The following RNF213 variants were observed in gnomAD, a reference collection of about 807,000 sequenced individuals.
RNF213 encodes the protein ring finger protein 213.
RNF213 carries 341 observed loss-of-function variants against 514.4 expected under a neutral mutation model. The observed-to-expected ratio is 0.66, with a 90% CI of 0.61 to 0.73. The LOEUF is 0.73. Among genes scored for constraint, RNF213 ranks in the 30% least tolerant of loss-of-function variants. The pLI is 0.00. For missense variants in RNF213, 5,767 were observed against 6,615.6 expected (o/e 0.87, Z 4.45); for synonymous variants, 2,655 against 2,658.2 (o/e 1.00, Z 0.04).
At chr17:80,282,777 A>T (rs1284212493) in intron 3 of RNF213, among the ~76,000 whole-genome samples, 1 of 151,814 alleles carries the variant, frequency 6.6e-6, no homozygotes, top group Non-Finnish European at 1.5e-5. Flanking sequence ...GCTCACTGCA[A>T]CCTCTGCCTC....
chr17:80,353,132 C>T lies in RNF213; in HGVS notation c.10423+73C>T, dbSNP rs1599095984. ...GATGGCAGGTGTGGAGCGTGGCGTG[C>T]ACATGGCACTAGGAGCAGGGCCACC... On this transcript the variant is annotated intron_variant, in intron 33 of 67. Coordinates refer to ENST00000582970, the MANE Select transcript of RNF213 (RefSeq NM_001256071.3). The surrounding 1 kb of genome is among the most constrained non-coding windows in gnomAD (Gnocchi z 5.0). 6.9e-6 allele frequency: 11 copies of T among 1,590,056 alleles called. No individual in the cohort carries two copies. In the East Asian group the frequency reaches 2.2e-4, roughly 32 times the overall value.
intron 3 of RNF213, among the ~76,000 whole-genome samples, chr17:80,284,805 A>G (rs1388915741): frequency 2.6e-5 from 4 of 152,112 alleles, no homozygotes; most frequent in African/African-American, 9.7e-5. Context: ...TCTGTCCTTC[A>G]GGGGACAAGA....
intron 42 of RNF213, 94 bp downstream of exon 42, chr17:80,364,647 CTT>C (rs904700935): frequency 6.6e-7 from 1 of 1,509,982 alleles, no homozygotes; most frequent in African/African-American, 1.4e-5. Context: ...GGGAGACGCT[CTT>C]TTGGCTCTGA....
chr17:80,298,570 A>C, intron 11 of RNF213, 52 bp downstream of exon 11: 1 of 1,600,466 alleles, frequency 6.2e-7, no homozygotes, highest in Non-Finnish European at 8.6e-7. Context: ...ACTGACTCCT[A>C]CATTGTGCAC....
intron 42 of RNF213, chr17:80,364,896 T>G: frequency 2.9e-6 from 1 of 343,552 alleles, no homozygotes; most frequent in Non-Finnish European, 5.7e-6. Flanking sequence ...AGCCTGGCCA[T>G]CTGTGGAAGC....
intron 36 of RNF213, among the ~76,000 whole-genome samples, chr17:80,357,378 T>C (rs2078870123): frequency 6.6e-6 from 1 of 152,200 alleles, no homozygotes; most frequent in Admixed American, 6.5e-5. Flanking sequence ...CGCCTGCCTG[T>C]CCATCCACCC....
Position 80,363,377 on chromosome 17 carries a change from T to C in RNF213, c.11568+63T>C, listed in dbSNP as rs547328864. 1.9e-4 allele frequency: 292 copies of C among 1,518,372 alleles called. 1 individual carries two copies. The African/African-American group carries it at 3.6e-3, about 19-fold the overall frequency. 94.1% of individuals were successfully genotyped at this position (1,518,372 alleles called of 1,614,324 possible). On this transcript the variant is annotated intron_variant, in intron 40 of 67. Transcript: ENST00000582970. The stretch of plus-strand genomic sequence containing the variant: ...GGTGCTTCCAACTCCACTCTGGGAA[T>C]GGAGAGCTTCTGGGGCTGTGTTCCA...
At chr17:80,355,194 C>T in intron 36 of RNF213, 1 of 456,046 alleles carries the variant, frequency 2.2e-6, no homozygotes, top group South Asian at 1.5e-5. Flanking sequence ...GTTTTCCCAT[C>T]TCTAAAAGAC....
intron 20 of RNF213, among the ~76,000 whole-genome samples, chr17:80,329,031 C>T (rs1311689810): frequency 2.6e-5 from 4 of 152,198 alleles, no homozygotes; most frequent in African/African-American, 4.8e-5. Flanking sequence ...CAATCTCTGC[C>T]GAGTGTCTGA....
At chr17:80,322,355 C>T (rs894637780) in intron 17 of RNF213, among the ~76,000 whole-genome samples, 5 of 151,862 alleles carry the variant, frequency 3.3e-5, no homozygotes, top group African/African-American at 1.2e-4. Flanking sequence ...GTGGGCCGGG[C>T]ATGGTGGCTC....
rs745419537 is a variant in RNF213 at position 80,354,498 on chromosome 17, A to T, written c.10784A>T (p.Glu3595Val). 5.0e-6 allele frequency: 8 copies of T among 1,614,130 alleles called. No individual in the cohort carries two copies. In the Admixed American group the frequency reaches 1.2e-4, roughly 24 times the overall value. ...AGTGTCTTTTTAAAGAAGCAAGAAG[A>T]GAGCCAGTTTCACCCTCTGGAGTGG... is the stretch of plus-strand genomic sequence containing the variant. ...RLSVFLKKQE[E>V]SQFHPLEWLA... Residue 3595 changes from glutamate to valine, a missense_variant, in exon 36 of 68, where the codon GAG becomes GTG. Glu to Val is a moderately radical substitution (Grantham distance 121). Transcript: ENST00000582970.
chr17:80,339,062 G>T, intron 25 of RNF213, 139 bp from the exon 26 acceptor site: 1 of 528,360 alleles, frequency 1.9e-6, no homozygotes. Flanking sequence ...GATGAGGAGG[G>T]AGGCCTTGTG....
At chr17:80,297,136 AGG>A (rs1259118393) in intron 10 of RNF213, among the ~76,000 whole-genome samples, 1 of 151,962 alleles carries the variant, frequency 6.6e-6, no homozygotes, top group Non-Finnish European at 1.5e-5. Flanking sequence ...TATTGTTTAT[AGG>A]CTCAACCCTT....
chr17:80,310,022 G>A (rs1477198956), intron 14 of RNF213, among the ~76,000 whole-genome samples: 1 of 151,866 alleles, frequency 6.6e-6, no homozygotes, highest in Non-Finnish European at 1.5e-5. Context: ...CAAAGTGCTG[G>A]GATTACAGGC....
chr17:80,263,883 G>T lies in RNF213; in HGVS notation c.97+105G>T. The T allele has an allele frequency of 2.3e-6, 2 of 886,252 alleles. No individual in the cohort carries two copies. Among genetic ancestry groups the T allele is most frequent in the East Asian group, 2.5e-5 (1 of 39,226 alleles). The allele number at this position is 886,252 out of a possible 1,614,324, so 54.9% of individuals were successfully genotyped here. On this transcript the variant is annotated intron_variant, in intron 2 of 67. Transcript: ENST00000582970. The surrounding 1 kb of genome is among the most constrained non-coding windows in gnomAD (Gnocchi z 4.9). ...ACCCTGGGCAGCAGGCAGCTCAGGT[G>T]GGGCCGAGGTCCTCTGTGGCTACTG...
intron 36 of RNF213, chr17:80,355,033 C>A: frequency 2.8e-6 from 1 of 359,504 alleles, no homozygotes. Context: ...TTTTCTGTCA[C>A]CCATGAGACT....
At chr17:80,309,424 G>A (rs771592711) in intron 14 of RNF213, among the ~76,000 whole-genome samples, 1 of 152,190 alleles carries the variant, frequency 6.6e-6, no homozygotes, top group Non-Finnish European at 1.5e-5. Flanking sequence ...TTAATGTGTG[G>A]CCATCAGCTG....
intron 3 of RNF213, among the ~76,000 whole-genome samples, chr17:80,286,049 C>T (rs1766756607): frequency 6.6e-6 from 1 of 152,164 alleles, no homozygotes; most frequent in African/African-American, 2.4e-5. Flanking sequence ...CTCAGTGAGG[C>T]CCTGTTTTAG....
In RNF213 at chr17:80,339,159, C is replaced by T. The variant is rs1442320243; in HGVS notation, c.4834-42C>T. Reference sequence around the variant, plus strand: ...GTTGCAGAGTAGCGTGTTACCCTCTCGCATGGCTCTGTGAGCCAACCTCAT... The same window carrying T: ...GTTGCAGAGTAGCGTGTTACCCTCTTGCATGGCTCTGTGAGCCAACCTCAT... On this transcript the variant is annotated intron_variant, in intron 25 of 67. Coordinates refer to ENST00000582970, the MANE Select transcript of RNF213 (RefSeq NM_001256071.3). 9 of 1,433,602 alleles carry T rather than the reference C, an allele frequency of 6.3e-6. No individual in the cohort carries two copies. In the South Asian group the frequency reaches 8.7e-5, roughly 14 times the overall value. The allele number at this position is 1,433,602 out of a possible 1,614,324, so 88.8% of individuals were successfully genotyped here.
Sources: allele counts gnomAD v4.1 joint callset (sites outside exome capture counted in the v4.1 genomes callset), GRCh38; gene constraint gnomAD v4.1.1; non-coding constraint Gnocchi (gnomAD v3.1); transcripts MANE v1.5; gene names NCBI Gene and HGNC (gene_info 2026-07-23, HGNC 2026-07-21).